Variants in NCOR2 observed in about 807,000 individuals in gnomAD.
The protein encoded by NCOR2 is nuclear receptor corepressor 2, also known as CTG repeat protein 26.
In NCOR2, 81 loss-of-function variants were observed where a neutral mutation model predicts 262.9. The ratio of observed to expected loss-of-function variants is 0.31; its 90% confidence interval spans 0.26 to 0.37. The LOEUF is 0.37. NCOR2 is among the 10% of genes least tolerant of loss of function. NCOR2 has a pLI of 1.00. For synonymous variants in NCOR2, 1,659 were observed against 1,559.3 expected (o/e 1.06, Z -1.51); for missense variants, 3,385 against 3,621.4 (o/e 0.93, Z 1.68).
chr12:124,403,812 CAG>C (rs2136210961), intron 13 of NCOR2, among the ~76,000 whole-genome samples: 1 of 152,282 alleles, frequency 6.6e-6, no homozygotes, highest in African/African-American at 2.4e-5. Context: ...GGCAGAAAAA[CAG>C]AGCAAGTGTC....
At chr12:124,466,387 G>T in intron 4 of NCOR2, 101 bp from the exon 7 acceptor site, 2 of 1,023,026 alleles carry the variant, frequency 2.0e-6, no homozygotes, top group Non-Finnish European at 2.9e-6. Flanking sequence ...CCCGGGCCAC[G>T]GCCGCGCACA....
chr12:124,402,042 C>T (rs543914918), intron 14 of NCOR2, among the ~76,000 whole-genome samples: 3 of 152,174 alleles, frequency 2.0e-5, no homozygotes, highest in East Asian at 1.9e-4. Flanking sequence ...CCCTTTCCCC[C>T]TTCCTGGCGC....
intron 5 of NCOR2, among the ~76,000 whole-genome samples, chr12:124,462,658 G>A (rs1406071692): frequency 6.6e-6 from 1 of 152,270 alleles, no homozygotes; most frequent in Non-Finnish European, 1.5e-5. Flanking sequence ...TGAGGCCACA[G>A]GACGGGGTCT....
intron 10 of NCOR2, among the ~76,000 whole-genome samples, chr12:124,428,230 G>A (rs1346139096): frequency 1.3e-5 from 2 of 152,194 alleles, no homozygotes; most frequent in African/African-American, 2.4e-5. Context: ...GCACAGCATC[G>A]GTGAGACAGG....
intron 27 of NCOR2, among the ~76,000 whole-genome samples, chr12:124,351,322 G>A (rs1467962984): frequency 1.3e-5 from 2 of 152,174 alleles, no homozygotes; most frequent in African/African-American, 2.4e-5. Context: ...GGAAATTTTA[G>A]TTCTAACCCA....
intron 16 of NCOR2, 51 bp downstream of exon 18, chr12:124,398,068 G>A (rs373549251): frequency 3.1e-6 from 5 of 1,607,488 alleles, no homozygotes; most frequent in Middle Eastern, 1.7e-4. Context: ...GTGAGCTTCA[G>A]GCGCCCTGGA....
exon 47 of NCOR2, chr12:124,325,392 C>CCCCGT: frequency 8.7e-7 from 1 of 1,152,268 alleles, no homozygotes; most frequent in African/African-American, 1.7e-5. Context: ...CCCCCCCGCC[C>CCCCGT]TGTTCTGAGT....
chr12:124,456,466 C>T (rs1017957800), intron 6 of NCOR2, among the ~76,000 whole-genome samples: 1 of 152,208 alleles, frequency 6.6e-6, no homozygotes, highest in East Asian at 1.9e-4. Context: ...GGCATCTTTC[C>T]GCAGCAAAAG....
At chr12:124,559,683 G>A (rs908414102) in intron 1 of NCOR2, among the ~76,000 whole-genome samples, 18 of 152,194 alleles carry the variant, frequency 1.2e-4, no homozygotes, top group Admixed American at 1.2e-3. Context: ...CAGAGAGCAA[G>A]CTCAGGGCAA....
chr12:124,373,507 G>A (rs1702327), intron 19 of NCOR2, among the ~76,000 whole-genome samples: 183 of 98,898 alleles, frequency 1.9e-3, no homozygotes, highest in East Asian at 0.018. Flanking sequence ...AGGCCAGTGC[G>A]TGCGCAGGGG....
At chr12:124,341,991 G>A in exon 34 of NCOR2, 2 of 1,613,494 alleles carry the variant, frequency 1.2e-6, no homozygotes, top group Admixed American at 1.7e-5. Context: ...GCCGTGTCGG[G>A]GTAGCCGCGG....
At chr12:124,551,958 T>A (rs1053240346) in intron 1 of NCOR2, among the ~76,000 whole-genome samples, 1 of 151,960 alleles carries the variant, frequency 6.6e-6, no homozygotes, top group African/African-American at 2.4e-5. Flanking sequence ...GCTGGGGACT[T>A]ATTTATTTTC....
intron 1 of NCOR2, among the ~76,000 whole-genome samples, chr12:124,501,722 T>G (rs971208113): frequency 2.0e-5 from 3 of 152,180 alleles, no homozygotes; most frequent in African/African-American, 7.2e-5. Context: ...TAATGTGATC[T>G]GCAAAAACCC....
rs117464569 is a variant in NCOR2 at position 124,506,601 on chromosome 12, G to A, written c.-117-11233C>T. The stretch of plus-strand genomic sequence containing the variant: ...ACCCGAGAAGCCCTGCACGGGGAGC[G>A]GCCCTCCCCACTTGCGTACTTCACA... On this transcript the variant is annotated intron_variant, in intron 1 of 46. Coordinates refer to the NCOR2 transcript ENST00000404621. 2.7e-3 allele frequency among the ~76,000 whole-genome samples: 412 copies of A among 151,890 alleles called. 5 individuals carry two copies. Among genetic ancestry groups the A allele is most frequent in the East Asian group, 0.021 (109 of 5,148 alleles).
At chr12:124,333,893 T>TGCGC (rs1566353598) in intron 41 of NCOR2, among the ~76,000 whole-genome samples, 1 of 132,308 alleles carries the variant, frequency 7.6e-6, no homozygotes, top group Non-Finnish European at 1.7e-5. Context: ...TGCATGTGTG[T>TGCGC]GTGCGCGCGC....
At chr12:124,355,070 G>A in intron 24 of NCOR2, 131 bp from the exon 27 acceptor site, 1 of 755,784 alleles carries the variant, frequency 1.3e-6, no homozygotes, top group Non-Finnish European at 2.1e-6. Flanking sequence ...CTGTGTGACG[G>A]CAGACAAGTC....
intron 46 of NCOR2, 123 bp from the exon 49 acceptor site, chr12:124,325,706 T>G: frequency 1.2e-5 from 7 of 607,190 alleles, no homozygotes; most frequent in Non-Finnish European, 1.7e-5. Flanking sequence ...CTCCCAGACC[T>G]TTCTAATTGC....
chr12:124,339,219 A>ACCACCCCCCCCCCC (rs1566363037), intron 37 of NCOR2, among the ~76,000 whole-genome samples: 1 of 63,316 alleles, frequency 1.6e-5, no homozygotes, highest in Admixed American at 2.0e-4. Flanking sequence ...TCTACCTACC[A>ACCACCCCCCCCCCC]CCCACCCACC....
At chr12:124,372,493 G>A in exon 20 of NCOR2, 1 of 1,582,192 alleles carries the variant, frequency 6.3e-7, no homozygotes, top group Non-Finnish European at 8.5e-7. Context: ...TGGCCCTGGG[G>A]GTGGCCCGTC....
Sources: allele counts gnomAD v4.1 joint callset (sites outside exome capture counted in the v4.1 genomes callset), GRCh38; gene constraint gnomAD v4.1.1; transcripts MANE v1.5; gene names NCBI Gene and HGNC (gene_info 2026-07-23, HGNC 2026-07-21).